CYP39A1: variants seen among roughly 807,000 people sequenced by gnomAD.
CYP39A1 encodes 24-hydroxycholesterol 7-alpha-hydroxylase.
A neutral mutation model predicts 58.1 loss-of-function variants in CYP39A1; 49 were observed. That is an observed-to-expected ratio of 0.84 (90% CI 0.67 to 1.07). The LOEUF (loss-of-function observed/expected upper bound fraction) is 1.07. Ranked by LOEUF, CYP39A1 falls within the 50% of genes least tolerant of loss-of-function variation. CYP39A1 has a pLI of 0.00. For synonymous variants in CYP39A1, 209 were observed against 187.6 expected (o/e 1.11, Z -0.93); for missense variants, 531 against 539.4 (o/e 0.98, Z 0.16).
chr6:46,617,247 CTCTAA>C, intron 7 of CYP39A1, among the ~76,000 whole-genome samples: 1 of 152,158 alleles, frequency 6.6e-6, no homozygotes, highest in South Asian at 2.1e-4. Flanking sequence ...AAATGTTTTT[CTCTAA>C]TCTATAAGTT....
intron 1 of CYP39A1, 85 bp downstream of exon 1, chr6:46,652,321 G>T (rs1417841386): frequency 1.5e-6 from 2 of 1,329,286 alleles, no homozygotes; most frequent in East Asian, 2.4e-5. Context: ...CCGTGTTCTA[G>T]CCCTGCACTT....
intron 7 of CYP39A1, among the ~76,000 whole-genome samples, chr6:46,604,083 G>A (rs961379523): frequency 1.1e-4 from 16 of 152,120 alleles, no homozygotes; most frequent in Admixed American, 1.0e-3. Context: ...TTCTTTCCCT[G>A]AGAGGTAGTC....
At chr6:46,590,234 G>A (rs1004277615) in intron 8 of CYP39A1, among the ~76,000 whole-genome samples, 5 of 152,188 alleles carry the variant, frequency 3.3e-5, no homozygotes, top group Non-Finnish European at 1.5e-5. Flanking sequence ...CAACTTCTGT[G>A]TGTTGCAAGA....
intron 8 of CYP39A1, among the ~76,000 whole-genome samples, chr6:46,590,362 G>A (rs1021619882): frequency 6.6e-6 from 1 of 152,086 alleles, no homozygotes; most frequent in African/African-American, 2.4e-5. Context: ...AAAAAAGGAA[G>A]AGAAGGCAGG....
At chr6:46,556,201 G>T (rs537953791) in intron 10 of CYP39A1, among the ~76,000 whole-genome samples, 1 of 152,138 alleles carries the variant, frequency 6.6e-6, no homozygotes, top group Non-Finnish European at 1.5e-5. Context: ...GATCTCCAGA[G>T]GAAGTAAAGA....
chr6:46,592,960 T>A (rs1343896639), intron 8 of CYP39A1, among the ~76,000 whole-genome samples: 1 of 152,010 alleles, frequency 6.6e-6, no homozygotes, highest in Non-Finnish European at 1.5e-5. Flanking sequence ...AATTACCACA[T>A]TAACATAACC....
intron 10 of CYP39A1, among the ~76,000 whole-genome samples, chr6:46,573,573 A>G (rs1040086081): frequency 6.6e-6 from 1 of 152,140 alleles, no homozygotes; most frequent in African/African-American, 2.4e-5. Context: ...CTTGGTGCTG[A>G]GTCTGTCACA....
chr6:46,613,938 G>C (rs1255442302), intron 7 of CYP39A1, among the ~76,000 whole-genome samples: 1 of 95,090 alleles, frequency 1.1e-5, no homozygotes, highest in Non-Finnish European at 1.9e-5. Flanking sequence ...ACACAAAGAA[G>C]CAAAAAAAAA....
In CYP39A1 at chr6:46,550,416, C is replaced by T. The variant is rs750560255; in HGVS notation, c.1360G>A (p.Val454Ile). 19 of 1,611,584 alleles carry T rather than the reference C, an allele frequency of 1.2e-5. No individual in the cohort carries two copies. In the South Asian group the frequency reaches 1.8e-4, roughly 15 times the overall value. The change falls in exon 12 of 12, where the codon GTC becomes ATC. Residue 454 changes from valine (V) to isoleucine (I), a missense_variant. Transcript: ENST00000275016. ...CGGCATTGCCCTTCCGGCTGGGGGA[C>T]ACCCACCAAATGGAGATAACTCTAA... Reference protein sequence around the residue: ...PKQSYLHLVGVPQPEGQCRIE... With the variant: ...PKQSYLHLVGIPQPEGQCRIE...
intron 8 of CYP39A1, among the ~76,000 whole-genome samples, chr6:46,595,542 A>G (rs2150523329): frequency 6.6e-6 from 1 of 152,118 alleles, no homozygotes; most frequent in East Asian, 1.9e-4. Flanking sequence ...AAAAAAAGTG[A>G]GCTCAGAAAT....
At chr6:46,553,895 T>C in intron 10 of CYP39A1, 41 bp from the exon 11 acceptor site, 1 of 1,291,410 alleles carries the variant, frequency 7.7e-7, no homozygotes, top group Non-Finnish European at 1.1e-6. Flanking sequence ...TTGTGAAAGA[T>C]GTATAAATAT....
At chr6:46,582,999 T>C in intron 10 of CYP39A1, 1 of 928,344 alleles carries the variant, frequency 1.1e-6, no homozygotes, top group Non-Finnish European at 1.3e-6. Context: ...TGATTTTAAT[T>C]AATTTTCCAA....
intron 10 of CYP39A1, among the ~76,000 whole-genome samples, chr6:46,561,494 AG>A (rs767721953): frequency 7.2e-5 from 11 of 152,078 alleles, no homozygotes; most frequent in Non-Finnish European, 1.5e-4. Context: ...CAGACTTAGA[AG>A]AAAAATAGTA....
At chr6:46,633,551 T>A (rs566089988) in intron 5 of CYP39A1, among the ~76,000 whole-genome samples, 15 of 152,272 alleles carry the variant, frequency 9.9e-5, no homozygotes, top group South Asian at 6.2e-4. Context: ...CACTTTTTTT[T>A]AATATTAATA....
intron 10 of CYP39A1, among the ~76,000 whole-genome samples, chr6:46,569,615 T>C (rs1234733064): frequency 6.6e-6 from 1 of 152,128 alleles, no homozygotes; most frequent in African/African-American, 2.4e-5. Flanking sequence ...TCTTTCTGCA[T>C]CCATTGATAT....
chr6:46,626,254 G>A (rs967353058), intron 6 of CYP39A1, among the ~76,000 whole-genome samples: 5 of 151,926 alleles, frequency 3.3e-5, no homozygotes, highest in African/African-American at 4.8e-5. Context: ...TTCCTCCTCA[G>A]GTAAATAGTT....
At chr6:46,611,691 T>A (rs1234429613) in intron 7 of CYP39A1, among the ~76,000 whole-genome samples, 1 of 152,030 alleles carries the variant, frequency 6.6e-6, no homozygotes, top group East Asian at 1.9e-4. Flanking sequence ...TTTCAAGGAA[T>A]AAAGGATATA....
At chr6:46,633,840 G>A (rs1440774331) in intron 5 of CYP39A1, among the ~76,000 whole-genome samples, 1 of 151,848 alleles carries the variant, frequency 6.6e-6, no homozygotes, top group Non-Finnish European at 1.5e-5. Flanking sequence ...CTGGGTGACA[G>A]AGCAAGACTC....
intron 10 of CYP39A1, chr6:46,582,936 C>T (rs1772227352): frequency 2.9e-6 from 1 of 345,302 alleles, no homozygotes; most frequent in Admixed American, 6.5e-5. Context: ...ACTAGATGCT[C>T]AAGAGATGTT....
Sources: allele counts gnomAD v4.1 joint callset (sites outside exome capture counted in the v4.1 genomes callset), GRCh38; gene constraint gnomAD v4.1.1; transcripts MANE v1.5; gene names NCBI Gene and HGNC (gene_info 2026-07-23, HGNC 2026-07-21).